CEP170B: variants seen among roughly 807,000 people sequenced by gnomAD.
CEP170B encodes the protein centrosomal protein of 170 kDa protein B.
Under a neutral mutation model 120.6 loss-of-function variants are expected in CEP170B, and 55 were observed. That is an observed-to-expected ratio of 0.46 (90% CI 0.37 to 0.57). The LOEUF is 0.57. Among genes scored for constraint, CEP170B ranks in the 20% least tolerant of loss-of-function variants. CEP170B has a pLI of 0.00. For synonymous variants in CEP170B, 1,033 were observed against 954.5 expected, an observed-to-expected ratio of 1.08 and a Z score of -1.52; for missense variants, 2,212 against 2,253.3, an observed-to-expected ratio of 0.98 and a Z score of 0.37.
chr14:104,877,871 CTG>C lies in CEP170B; in HGVS notation c.196-12_196-11del. 2 of 666,292 alleles carry C rather than the reference CTG, an allele frequency of 3.0e-6. No individual in the cohort carries two copies. Among genetic ancestry groups the C allele is most frequent in the Admixed American group, 3.4e-5 (1 of 29,822 alleles). 41.3% of individuals were successfully genotyped at this position (666,292 alleles called of 1,614,324 possible). A position where few individuals can be genotyped will look rare whatever the true frequency, so the allele number is the denominator to read the frequency against. ...GCAGCTCCCCCCCCCCCCCCGCCACCTGTTTTCCTGCAGACGTTTGTGAATGA... is the reference window on the plus strand; with the variant it reads ...GCAGCTCCCCCCCCCCCCCCGCCACCTTTTCCTGCAGACGTTTGTGAATGA... On this transcript the variant is annotated splice_polypyrimidine_tract_variant and intron_variant, in intron 3 of 18. Transcript: ENST00000414716.
chr14:104,871,644 T>C (rs530304404), intron 2 of CEP170B, among the ~76,000 whole-genome samples: 1 of 152,114 alleles, frequency 6.6e-6, no homozygotes, highest in South Asian at 2.1e-4. Context: ...CAGTCCTGTG[T>C]AAAGAAGGTG....
chr14:104,874,871 C>T (rs2140649078), intron 2 of CEP170B, among the ~76,000 whole-genome samples: 1 of 152,328 alleles, frequency 6.6e-6, no homozygotes, highest in South Asian at 2.1e-4. Flanking sequence ...CTGCTGGCCA[C>T]CACGAGCCCC....
Position 104,865,691 on chromosome 14 carries a change from G to T in CEP170B, c.-28+178G>T, listed in dbSNP as rs1284703049. Among the ~76,000 whole-genome samples, 3 of 151,750 alleles carry T rather than the reference G, an allele frequency of 2.0e-5. No homozygotes were observed. Among genetic ancestry groups the T allele is most frequent in the African/African-American group, 4.8e-5 (2 of 41,378 alleles). On this transcript the variant is annotated intron_variant, in intron 1 of 18. Coordinates refer to ENST00000414716, the MANE Select transcript of CEP170B (RefSeq NM_001112726.3). The surrounding 1 kb of genome is among the most constrained non-coding windows in gnomAD (Gnocchi z 6.7). ...CCCCGCCGCCGCGGAGGCGGCCCTG[G>T]TCTGCGCCAGGCCGGGAGGAGCCGC... is the stretch of plus-strand genomic sequence containing the variant.
chr14:104,890,858 TGGG>T (rs1896818317), intron 13 of CEP170B, among the ~76,000 whole-genome samples: 1 of 115,146 alleles, frequency 8.7e-6, no homozygotes, highest in Non-Finnish European at 1.7e-5. Context: ...AATGAGTGGG[TGGG>T]TGGGTGGATG....
In CEP170B at chr14:104,887,835, G is replaced by A. The variant is rs984983700; in HGVS notation, c.3596G>A (p.Ser1199Asn). 5.7e-6 allele frequency: 9 copies of A among 1,583,184 alleles called. No individual in the cohort carries two copies. The highest frequency in any genetic ancestry group is 7.7e-6 in the Non-Finnish European group (9 of 1,168,564). ...GCCCGCACCAGCTTCTCTGGCCGCA[G>A]TGTGGAGTTGTGCTGTGCCAGCCGC... is the stretch of plus-strand genomic sequence containing the variant. ...APARTSFSGR[S>N]VELCCASRKP... The change falls in exon 12 of 19, where the codon AGT becomes AAT. Residue 1199 changes from serine to asparagine, a missense_variant. By Grantham distance (46) the Ser-to-Asn change is conservative. Transcript: ENST00000414716.
chr14:104,883,688 A>G, intron 8 of CEP170B, 143 bp from the exon 9 acceptor site: 2 of 1,069,266 alleles, frequency 1.9e-6, no homozygotes, highest in Non-Finnish European at 2.6e-6. Context: ...TTCCCGTTGC[A>G]CTTCTTTGCC....
At chr14:104,884,578 C>G in intron 9 of CEP170B, 29 bp downstream of exon 9, 1 of 1,514,010 alleles carries the variant, frequency 6.6e-7, no homozygotes, top group Non-Finnish European at 8.8e-7. Context: ...TGAGAGCCCT[C>G]GTGGGGAACG....
In CEP170B at chr14:104,870,330, A is replaced by G. The variant is rs993871216; in HGVS notation, c.105+1775A>G. Among the ~76,000 whole-genome samples, 2 of 152,210 alleles carry G rather than the reference A, an allele frequency of 1.3e-5. No homozygotes were observed. Among genetic ancestry groups the G allele is most frequent in the African/African-American group, 4.8e-5 (2 of 41,442 alleles). ...GATTTTCAATCATTTAAAAGTGTAA[A>G]GATCATTCTTAGTTCTCAAGCCATC... On this transcript the variant is annotated intron_variant, in intron 2 of 18. Coordinates refer to ENST00000414716, the MANE Select transcript of CEP170B (RefSeq NM_001112726.3). The surrounding 1 kb of genome is among the most constrained non-coding windows in gnomAD (Gnocchi z 4.1).
intron 3 of CEP170B, 150 bp downstream of exon 3, chr14:104,876,495 A>G (rs1182634962): frequency 6.3e-6 from 4 of 635,822 alleles, no homozygotes; most frequent in African/African-American, 2.5e-5. Context: ...CCCCAGCCAT[A>G]GCCCCTCCTT....
At chr14:104,892,154 C>T (rs774814263) in intron 13 of CEP170B, among the ~76,000 whole-genome samples, 2 of 152,064 alleles carry the variant, frequency 1.3e-5, no homozygotes, top group Non-Finnish European at 1.5e-5. Flanking sequence ...TAGGTCCCCA[C>T]GGCCTGGGCT....
chr14:104,876,511 C>T (rs544804929), intron 3 of CEP170B, among the ~76,000 whole-genome samples, 166 bp downstream of exon 3: 316 of 151,078 alleles, frequency 2.1e-3, no homozygotes, highest in African/African-American at 7.2e-3. Flanking sequence ...TCCTTCTCAG[C>T]CCTGGCCCCT....
At position 104,896,570 on chromosome 14, in the gene CEP170B, C is replaced by G. The variant is rs1462324333; in HGVS notation, c.*1612C>G. Reference sequence around the variant, plus strand: ...TTCCTGCTCCTCCCCACACTGAGCTCCTTTGTTCCTCCCCCTCCAGCCTTT... The same window carrying G: ...TTCCTGCTCCTCCCCACACTGAGCTGCTTTGTTCCTCCCCCTCCAGCCTTT... On this transcript the variant is annotated 3_prime_UTR_variant, in exon 19 of 19. Coordinates refer to ENST00000414716, the MANE Select transcript of CEP170B (RefSeq NM_001112726.3). 2 of 456,010 alleles carry G rather than the reference C, an allele frequency of 4.4e-6. No individual in the cohort carries two copies. Among genetic ancestry groups the G allele is most frequent in the Admixed American group, 4.7e-5 (2 of 42,548 alleles). The allele number at this position is 456,010 out of a possible 1,614,324, so 28.2% of individuals were successfully genotyped here.
intron 5 of CEP170B, among the ~76,000 whole-genome samples, chr14:104,879,814 G>A (rs947543018): frequency 1.3e-5 from 2 of 152,184 alleles, no homozygotes; most frequent in African/African-American, 4.8e-5. Flanking sequence ...GCCCTCACTT[G>A]TTCATGTGGG....
At chr14:104,881,821 G>A (rs1896171663) in intron 6 of CEP170B, among the ~76,000 whole-genome samples, 1 of 152,168 alleles carries the variant, frequency 6.6e-6, no homozygotes. Flanking sequence ...GAGGGGTAAG[G>A]CGTGTGTGAC....
At position 104,895,182 on chromosome 14, in the gene CEP170B, C is replaced by G. The variant is rs1271873059; in HGVS notation, c.*224C>G. ...GGCCACCCCCACCCCTGCCTCGCCC[C>G]CTACAGGCCTCTGGGCCCAGCTCCT... is the stretch of plus-strand genomic sequence containing the variant. On this transcript the variant is annotated 3_prime_UTR_variant, in exon 19 of 19. Transcript: ENST00000414716. 5 of 511,892 alleles carry G rather than the reference C, an allele frequency of 9.8e-6. No individual in the cohort carries two copies. Among genetic ancestry groups the G allele is most frequent in the African/African-American group, 7.9e-5 (4 of 50,672 alleles). 31.7% of individuals were successfully genotyped at this position (511,892 alleles called of 1,614,324 possible). A position where few individuals can be genotyped will look rare whatever the true frequency, so the allele number is the denominator to read the frequency against.
At chr14:104,878,086 A>AT (rs1895957697) in intron 4 of CEP170B, 123 bp downstream of exon 4, 2 of 780,224 alleles carry the variant, frequency 2.6e-6, no homozygotes, top group South Asian at 1.6e-5. Context: ...AGCACCAAGG[A>AT]TGACCCTAGG....
rs368348265 is a variant in CEP170B at position 104,889,577 on chromosome 14, C to T, written c.3740-43C>T. 1.2e-3 allele frequency: 1,975 copies of T among 1,604,700 alleles called. 1 individual carries two copies. Among genetic ancestry groups the T allele is most frequent in the Non-Finnish European group, 1.6e-3 (1,901 of 1,179,610 alleles). On this transcript the variant is annotated intron_variant, in intron 12 of 18. Coordinates refer to ENST00000414716, the MANE Select transcript of CEP170B (RefSeq NM_001112726.3). ...CACCTCTGAGGAGGAGTACGGCTCCCGCCACGGCTCCCCCAAACACACACG... is the reference window on the plus strand; with the variant it reads ...CACCTCTGAGGAGGAGTACGGCTCCTGCCACGGCTCCCCCAAACACACACG...
In CEP170B at chr14:104,893,552, C is replaced by T. The variant is rs182571466; in HGVS notation, c.4068C>T (p.Leu1356=). 238 of 1,606,356 alleles carry T rather than the reference C, an allele frequency of 1.5e-4. 3 individuals carry two copies. In the Admixed American group the frequency reaches 3.9e-3, roughly 26 times the overall value. Residue 1356 remains leucine (L), a synonymous_variant, in exon 15 of 19, where the codon CTC becomes CTT. Transcript: ENST00000414716. ...TGCAGCGCATCCCCGAGGCCAGCCT[C>T]AACTTCCAGAAGGTGCCGCCCGGCT... The part of the protein sequence containing the change: ...ELVQRIPEAS[L]NFQKVPPGSL...
At position 104,884,947 on chromosome 14, in the gene CEP170B, C is replaced by T. The variant is rs1194800453; in HGVS notation, c.1770+398C>T. Among the ~76,000 whole-genome samples the T allele has an allele frequency of 1.1e-3, 68 of 61,290 alleles. 1 individual carries two copies. The highest frequency in any genetic ancestry group is 3.7e-3 in the African/African-American group (62 of 16,598). The allele number at this position is 61,290 out of a possible 152,430, so 40.2% of individuals were successfully genotyped here. ...GGCGAGTGAGAGCACTCGTGGGGAA[C>T]GGGGGGTGGAGGCGATGCCGGGGGT... On this transcript the variant is annotated intron_variant, in intron 9 of 18. Coordinates refer to ENST00000414716, the MANE Select transcript of CEP170B (RefSeq NM_001112726.3).
Sources: gnomAD v4.1 joint callset for allele counts (sites outside exome capture counted in the v4.1 genomes callset) on GRCh38, gnomAD v4.1.1 for gene constraint, Gnocchi (gnomAD v3.1) non-coding constraint, MANE v1.5 for transcripts, NCBI Gene and HGNC (gene_info 2026-07-23, HGNC 2026-07-21) for gene names.